The following ABLIM1 variants were observed in gnomAD, a reference collection of about 807,000 sequenced individuals.
ABLIM1 encodes the protein actin binding LIM protein 1.
A neutral mutation model predicts 107.0 loss-of-function variants in ABLIM1; 40 were observed. The ratio of observed to expected loss-of-function variants is 0.37; its 90% CI spans 0.29 to 0.49. ABLIM1 has a LOEUF of 0.49. ABLIM1 is among the 20% of genes least tolerant of loss of function. The pLI is 0.97. For synonymous variants in ABLIM1, 357 were observed against 357.3 expected, an observed-to-expected ratio of 1.00 and a Z score of 0.01; for missense variants, 857 against 1,008.5, an observed-to-expected ratio of 0.85 and a Z score of 2.04.
the ABLIM1 span, among the ~76,000 whole-genome samples, chr10:114,782,246 C>A: frequency 6.6e-6 from 1 of 152,056 alleles, no homozygotes; most frequent in Non-Finnish European, 1.5e-5. Flanking sequence ...CTTTTTAATA[C>A]TTTTTCATTA....
At chr10:114,797,878 GTTATC>G in the ABLIM1 span, among the ~76,000 whole-genome samples, 1 of 152,120 alleles carries the variant, frequency 6.6e-6, no homozygotes. Flanking sequence ...GTATTATGAA[GTTATC>G]TTATCTACTT....
chr10:114,690,542 T>TGG, intron 1 of ABLIM1: 1 of 1,301,028 alleles, frequency 7.7e-7, no homozygotes, highest in Non-Finnish European at 1.1e-6. Context: ...GAAGGTTTTC[T>TGG]GCTGTCTTTG....
chr10:114,548,861 T>C (rs1359389190), intron 4 of ABLIM1, among the ~76,000 whole-genome samples: 1 of 152,154 alleles, frequency 6.6e-6, no homozygotes, highest in Non-Finnish European at 1.5e-5. Context: ...GTCCACTTAG[T>C]GGCCAGGTTT....
At chr10:114,665,972 G>T (rs2080009915) in intron 1 of ABLIM1, among the ~76,000 whole-genome samples, 1 of 152,234 alleles carries the variant, frequency 6.6e-6, no homozygotes, top group Non-Finnish European at 1.5e-5. Context: ...TTAGAATACA[G>T]TCTTTTAAAT....
chr10:114,644,052 C>T (rs557660737), intron 1 of ABLIM1, among the ~76,000 whole-genome samples: 5 of 151,140 alleles, frequency 3.3e-5, no homozygotes, highest in South Asian at 4.2e-4. Flanking sequence ...GAGGCCGAGG[C>T]GGGCAGATCA....
chr10:114,684,314 G>A (rs2080872073), exon 1 of ABLIM1: 1 of 1,614,136 alleles, frequency 6.2e-7, no homozygotes, highest in Non-Finnish European at 8.5e-7. Context: ...ATGGTGTGAT[G>A]AGGGTCCGTG....
intron 1 of ABLIM1, among the ~76,000 whole-genome samples, chr10:114,638,622 TACAC>T (rs59605861): frequency 0.045 from 6,396 of 143,724 alleles, 169 homozygotes; most frequent in Middle Eastern, 0.074. Context: ...ATGCCCTGCC[TACAC>T]ACACACACAC....
chr10:114,576,298 C>T lies in ABLIM1; in HGVS notation c.380-699G>A, dbSNP rs534386012. On this transcript the variant is annotated intron_variant, in intron 2 of 22. Coordinates refer to ENST00000533213, the MANE Select transcript of ABLIM1 (RefSeq NM_002313.7). ...GCAGTGGGAGCTTGGGCCTGGTCTA[C>T]GTGTTCAGACAAGACCAGAGTAGGT... 4.0e-4 allele frequency among the ~76,000 whole-genome samples: 61 copies of T among 152,218 alleles called. No homozygotes were observed. In the South Asian group the frequency reaches 0.011, roughly 27 times the overall value.
intron 1 of ABLIM1, among the ~76,000 whole-genome samples, chr10:114,631,601 G>A (rs897116018): frequency 1.3e-5 from 2 of 152,012 alleles, no homozygotes; most frequent in Non-Finnish European, 2.9e-5. Flanking sequence ...GGGATGGGGG[G>A]CAAGACGGCG....
chr10:114,643,618 C>T (rs2140968513), intron 1 of ABLIM1, among the ~76,000 whole-genome samples: 1 of 148,804 alleles, frequency 6.7e-6, no homozygotes, highest in South Asian at 2.1e-4. Context: ...CACTCTGTCA[C>T]ACAGGCTGGA....
intron 6 of ABLIM1, among the ~76,000 whole-genome samples, chr10:114,507,336 G>A (rs370327312): frequency 9.9e-5 from 15 of 152,212 alleles, no homozygotes; most frequent in East Asian, 7.7e-4. Flanking sequence ...GCAAAAAACC[G>A]ACTGAAAAAT....
intron 15 of ABLIM1, among the ~76,000 whole-genome samples, chr10:114,446,394 T>G: frequency 6.6e-6 from 1 of 152,188 alleles, no homozygotes; most frequent in East Asian, 1.9e-4. Context: ...TAGTAAATTG[T>G]GTTCAATTTT....
At chr10:114,455,812 CTTT>C (rs11285756) in intron 12 of ABLIM1, among the ~76,000 whole-genome samples, 4 of 139,540 alleles carry the variant, frequency 2.9e-5, no homozygotes, top group Admixed American at 1.5e-4. Flanking sequence ...GAAACTGCAA[CTTT>C]TTTTTTTTTT....
At chr10:114,506,556 C>A (rs1360723410) in intron 6 of ABLIM1, among the ~76,000 whole-genome samples, 1 of 152,148 alleles carries the variant, frequency 6.6e-6, no homozygotes, top group Non-Finnish European at 1.5e-5. Flanking sequence ...GCCATTCTGA[C>A]TAGTGTGAGA....
intron 17 of ABLIM1, among the ~76,000 whole-genome samples, chr10:114,441,999 G>A (rs1480543597): frequency 6.6e-6 from 1 of 152,166 alleles, no homozygotes; most frequent in Non-Finnish European, 1.5e-5. Context: ...AAGTCCACGC[G>A]GTTGAGTGGG....
In ABLIM1 at chr10:114,506,031, C is replaced by A. The variant is rs370999501; in HGVS notation, c.895-14153G>T. Among the ~76,000 whole-genome samples, 83 of 152,286 alleles carry A rather than the reference C, an allele frequency of 5.5e-4. No homozygotes were observed. In the South Asian group the frequency reaches 0.017, roughly 31 times the overall value. On this transcript the variant is annotated intron_variant, in intron 6 of 22. Coordinates refer to ENST00000533213, the MANE Select transcript of ABLIM1 (RefSeq NM_002313.7). ...ACTTCCCCTGTCACCATCTCCCCTC[C>A]AGTAGTCCCTAATGTCTACTGTTCC... is the stretch of plus-strand genomic sequence containing the variant.
chr10:114,436,871 G>A (rs1339469558), intron 22 of ABLIM1, among the ~76,000 whole-genome samples: 1 of 152,066 alleles, frequency 6.6e-6, no homozygotes, highest in East Asian at 1.9e-4. Flanking sequence ...AGATCCTGCA[G>A]CCTTTATTCT....
At chr10:114,717,991 AAAGGAAGGAAGGAAGGAAGGAAGG>A (rs3061776) in intron 1 of ABLIM1, among the ~76,000 whole-genome samples, 1 of 86,792 alleles carries the variant, frequency 1.2e-5, no homozygotes. Flanking sequence ...AGAAAGAAAG[AAAGGAAGGAAGGAAGGAAGGAAGG>A]AAGGAAGGAA....
chr10:114,530,827 C>A (rs56339171), intron 6 of ABLIM1, among the ~76,000 whole-genome samples: 24,800 of 152,226 alleles, frequency 0.16, 2,590 homozygotes, highest in East Asian at 0.29. Flanking sequence ...AGCCACCACA[C>A]CCAGCCAGAA....
Sources: allele counts gnomAD v4.1 joint callset (sites outside exome capture counted in the v4.1 genomes callset), GRCh38; gene constraint gnomAD v4.1.1; transcripts MANE v1.5; gene names NCBI Gene and HGNC (gene_info 2026-07-23, HGNC 2026-07-21).